WDR64: variants seen among roughly 807,000 people sequenced by gnomAD.
The protein encoded by WDR64 is WD repeat-containing protein 64.
A neutral mutation model predicts 139.3 loss-of-function variants in WDR64; 112 were observed. The ratio of observed to expected loss-of-function variants is 0.80; its 90% confidence interval spans 0.69 to 0.94. The LOEUF is 0.94. Ranked by LOEUF, WDR64 falls within the 40% of genes least tolerant of loss-of-function variation. The pLI, the probability that WDR64 is intolerant of heterozygous loss-of-function variation, is 0.00. For synonymous variants in WDR64, 444 were observed against 437.7 expected (o/e 1.01, Z -0.18); for missense variants, 1,206 against 1,293.1 (o/e 0.93, Z 1.03).
chr1:241,737,280 T>G (rs1669366766), intron 10 of WDR64, among the ~76,000 whole-genome samples: 1 of 152,326 alleles, frequency 6.6e-6, no homozygotes, highest in East Asian at 1.9e-4. Context: ...ACCAATGTTC[T>G]CCAAGTCACG....
chr1:241,769,358 C>T, intron 16 of WDR64, 46 bp from the exon 17 acceptor site: 1 of 1,455,564 alleles, frequency 6.9e-7, no homozygotes, highest in Non-Finnish European at 9.4e-7. Context: ...CTGTAAGCTC[C>T]ATAATTTGTG....
At chr1:241,785,574 T>A (rs1230164469) in intron 23 of WDR64, among the ~76,000 whole-genome samples, 2 of 152,174 alleles carry the variant, frequency 1.3e-5, no homozygotes, top group African/African-American at 4.8e-5. Context: ...ACTCCAGTTA[T>A]CCTTGGCATG....
chr1:241,740,499 T>G (rs1669495444), intron 11 of WDR64, among the ~76,000 whole-genome samples: 1 of 152,214 alleles, frequency 6.6e-6, no homozygotes, highest in South Asian at 2.1e-4. Context: ...GAGTGTTTAG[T>G]AACTCCTGTA....
intron 7 of WDR64, 29 bp downstream of exon 7, chr1:241,683,730 C>A (rs773040146): frequency 1.1e-5 from 16 of 1,435,038 alleles, no homozygotes; most frequent in South Asian, 2.9e-5. Flanking sequence ...TAATTTAATT[C>A]TTTTAATAAT....
intron 23 of WDR64, among the ~76,000 whole-genome samples, chr1:241,787,069 T>C (rs192570305): frequency 6.6e-5 from 10 of 152,136 alleles, no homozygotes; most frequent in African/African-American, 2.4e-4. Flanking sequence ...AAATGTTGGC[T>C]GGAGGCCAGG....
chr1:241,775,324 G>T (rs942153772), intron 21 of WDR64, 114 bp downstream of exon 21: 1 of 743,920 alleles, frequency 1.3e-6, no homozygotes, highest in African/African-American at 1.8e-5. Flanking sequence ...AGACTAAGAG[G>T]TATGCTCAAG....
intron 14 of WDR64, among the ~76,000 whole-genome samples, chr1:241,751,904 T>C (rs963746253): frequency 1.3e-5 from 2 of 152,174 alleles, no homozygotes; most frequent in African/African-American, 2.4e-5. Context: ...TATGAAACCT[T>C]TGGCAAATTT....
Position 241,662,567 on chromosome 1 carries a change from T to C in WDR64, c.276+1907T>C, listed in dbSNP as rs556412278. Among the ~76,000 whole-genome samples, 10 of 152,314 alleles carry C rather than the reference T, an allele frequency of 6.6e-5. No homozygotes were observed. In the South Asian group the frequency reaches 2.1e-3, roughly 32 times the overall value. On this transcript the variant is annotated intron_variant, in intron 2 of 27. Coordinates refer to ENST00000437684, the MANE Select transcript of WDR64 (RefSeq NM_001367482.1). ...TCCATAGTCTGATAAGAGGAAATTT[T>C]ATATAATGTAACATAATCATGGGAG...
intron 14 of WDR64, among the ~76,000 whole-genome samples, chr1:241,753,442 G>A (rs112835257): frequency 0.021 from 3,133 of 152,254 alleles, 107 homozygotes; most frequent in African/African-American, 0.072. Context: ...GGTGGCTCAC[G>A]CCTGTAATCT....
intron 13 of WDR64, 21 bp downstream of exon 13, chr1:241,744,537 G>A: frequency 6.2e-7 from 1 of 1,611,900 alleles, no homozygotes; most frequent in Non-Finnish European, 8.5e-7. Context: ...CATCCAGAAT[G>A]TGGCGTCCCT....
At chr1:241,725,771 G>C (rs375093578) in intron 10 of WDR64, among the ~76,000 whole-genome samples, 5 of 152,002 alleles carry the variant, frequency 3.3e-5, no homozygotes, top group Non-Finnish European at 7.4e-5. Context: ...ATTGAGGTCC[G>C]CTGTGAGTGT....
At chr1:241,791,959 T>C (rs1659226789) in intron 25 of WDR64, among the ~76,000 whole-genome samples, 1 of 152,208 alleles carries the variant, frequency 6.6e-6, no homozygotes, top group Admixed American at 6.5e-5. Flanking sequence ...ATTTTAACAC[T>C]TCTAGAGAAC....
chr1:241,671,031 C>G, intron 2 of WDR64, 43 bp from the exon 3 acceptor site: 1 of 1,353,654 alleles, frequency 7.4e-7, no homozygotes, highest in Non-Finnish European at 1.0e-6. Context: ...ATAGCTAATT[C>G]TGAGGCATGC....
intron 8 of WDR64, among the ~76,000 whole-genome samples, chr1:241,694,074 T>C (rs529709864): frequency 2.0e-5 from 3 of 152,018 alleles, no homozygotes; most frequent in Admixed American, 6.6e-5. Context: ...TGATGTCCTT[T>C]AGGTGCTCTT....
chr1:241,690,950 G>A (rs760934620), intron 8 of WDR64, among the ~76,000 whole-genome samples: 1 of 152,066 alleles, frequency 6.6e-6, no homozygotes, highest in Non-Finnish European at 1.5e-5. Flanking sequence ...AAACATATAT[G>A]TATGTATATA....
intron 22 of WDR64, among the ~76,000 whole-genome samples, chr1:241,782,102 T>C (rs964462784): frequency 2.0e-5 from 3 of 152,078 alleles, no homozygotes; most frequent in Admixed American, 1.3e-4. Context: ...CTGGCCAACA[T>C]GGTGAAACCC....
intron 11 of WDR64, among the ~76,000 whole-genome samples, chr1:241,739,628 G>A (rs1371853158): frequency 1.3e-5 from 2 of 152,104 alleles, no homozygotes; most frequent in Admixed American, 1.3e-4. Context: ...TGATTACTAG[G>A]CTTAGCATTT....
intron 9 of WDR64, among the ~76,000 whole-genome samples, chr1:241,718,342 G>C (rs1668478321): frequency 6.6e-6 from 1 of 152,152 alleles, no homozygotes. Context: ...AAGGTGATTA[G>C]GGAAGGCGCT....
At chr1:241,665,900 T>C (rs1200883145) in intron 2 of WDR64, among the ~76,000 whole-genome samples, 2 of 152,188 alleles carry the variant, frequency 1.3e-5, no homozygotes, top group African/African-American at 2.4e-5. Context: ...GAATTTAAAG[T>C]GTATTATTAT....
Sources: gnomAD v4.1 joint callset for allele counts (sites outside exome capture counted in the v4.1 genomes callset) on GRCh38, gnomAD v4.1.1 for gene constraint, MANE v1.5 for transcripts, NCBI Gene and HGNC (gene_info 2026-07-23, HGNC 2026-07-21) for gene names.